Variants in ENOX2 observed in about 807,000 individuals in gnomAD.
ENOX2 encodes the protein ecto-NOX disulfide-thiol exchanger 2.
ENOX2 carries 36 observed loss-of-function variants against 45.0 expected under a neutral mutation model. The observed-to-expected ratio is 0.80, with a 90% CI of 0.61 to 1.06. The LOEUF is 1.06. Ranked by LOEUF, ENOX2 falls within the 50% of genes least tolerant of loss-of-function variation. The pLI, the probability that ENOX2 is intolerant of heterozygous loss-of-function variation, is 0.00. For missense variants in ENOX2, 423 were observed against 462.5 expected, an observed-to-expected ratio of 0.91 and a Z score of 0.78; for synonymous variants, 174 against 152.3, an observed-to-expected ratio of 1.14 and a Z score of -1.05.
At position 130,677,071 on chromosome X, in the gene ENOX2, T is replaced by G. The variant is rs139680018; in HGVS notation, c.460+2471A>C. Among the ~76,000 whole-genome samples the G allele has an allele frequency of 8.0e-4, 89 of 111,828 alleles. 1 individual carries two copies. Among genetic ancestry groups the G allele is most frequent in the Non-Finnish European group, 3.2e-4 (17 of 53,188 alleles). ...TGCCAAAGCTTACCACCTTTGTACT[T>G]TTGCTCATGCTGTTTTCATGCCCCA... On this transcript the variant is annotated intron_variant, in intron 6 of 14. Coordinates refer to ENST00000394363, the MANE Select transcript of ENOX2 (RefSeq NM_006375.4).
intron 3 of ENOX2, among the ~76,000 whole-genome samples, chrX:130,772,312 T>G (rs1261285610): frequency 8.9e-6 from 1 of 112,018 alleles, no homozygotes; most frequent in African/African-American, 3.2e-5. Context: ...GCTGAAAGCT[T>G]GTGGTTGCCT....
chrX:130,625,367 T>C lies in ENOX2; in HGVS notation c.1693A>G (p.Ser565Gly), dbSNP rs778381395. Reference sequence around the variant, plus strand: ...CAGAATTTCCATCTCTTTTCCAGGCTGGCTCCAACTCCAGTCATTTCCTGC... The same window carrying C: ...CAGAATTTCCATCTCTTTTCCAGGCCGGCTCCAACTCCAGTCATTTCCTGC... ...FKQEMTGVGA[S>G]LEKRWKFCGF... is the part of the protein sequence containing the mutation. Residue 565 changes from serine to glycine, a missense_variant, in exon 15 of 15, where the codon AGC (serine) becomes GGC (glycine). Physicochemically the swap from Ser to Gly is moderately conservative, Grantham distance 56. Transcript: ENST00000394363. The C allele has an allele frequency of 1.7e-6, 2 of 1,211,455 alleles. No homozygotes were observed. Among genetic ancestry groups the C allele is most frequent in the East Asian group, 3.0e-5 (1 of 33,850 alleles).
At chrX:130,695,784 C>G (rs2037741945) in intron 4 of ENOX2, among the ~76,000 whole-genome samples, 1 of 111,649 alleles carries the variant, frequency 9.0e-6, no homozygotes, top group Non-Finnish European at 1.9e-5. Context: ...GAAATTTTAA[C>G]CCATTACAGT....
At chrX:130,742,489 G>A (rs1489707810) in intron 3 of ENOX2, among the ~76,000 whole-genome samples, 3 of 109,955 alleles carry the variant, frequency 2.7e-5, no homozygotes, top group African/African-American at 9.9e-5. Flanking sequence ...ACCATGTCAT[G>A]CTCAATATTT....
At chrX:130,817,702 C>T (rs1471487887) in intron 2 of ENOX2, among the ~76,000 whole-genome samples, 2 of 111,990 alleles carry the variant, frequency 1.8e-5, no homozygotes, top group African/African-American at 6.5e-5. Context: ...AAAGGTCTTC[C>T]ATGAAATTCA....
intron 2 of ENOX2, among the ~76,000 whole-genome samples, chrX:130,895,585 C>T (rs1212795038): frequency 8.9e-6 from 1 of 112,207 alleles, no homozygotes; most frequent in Non-Finnish European, 1.9e-5. Flanking sequence ...CCTACCGAGG[C>T]ATTTGGACCA....
chrX:130,637,536 G>A (rs2035963053), intron 10 of ENOX2, 126 bp from the exon 11 acceptor site: 2 of 495,921 alleles, frequency 4.0e-6, no homozygotes, highest in East Asian at 7.4e-5. Context: ...ATCTCAGCAA[G>A]AGATAGATAC....
chrX:130,784,053 AC>A (rs899890582), intron 2 of ENOX2, among the ~76,000 whole-genome samples: 1 of 111,735 alleles, frequency 8.9e-6, no homozygotes, highest in Non-Finnish European at 1.9e-5. Flanking sequence ...CTGACATTTT[AC>A]CATTCTTTCA....
At chrX:130,786,373 G>A (rs1186115139) in intron 2 of ENOX2, among the ~76,000 whole-genome samples, 1 of 111,156 alleles carries the variant, frequency 9.0e-6, no homozygotes, top group Non-Finnish European at 1.9e-5. Flanking sequence ...ATTAATGACG[G>A]TGAAACAGAA....
Position 130,776,625 on chromosome X carries a change from G to A in ENOX2, c.-39+6922C>T, listed in dbSNP as rs145982667. ...TGCTTCCTATAAAGTCTGCCGAACC[G>A]TGAGACAATTAAACCTCTTTTCTTT... On this transcript the variant is annotated intron_variant, in intron 3 of 14. Transcript: ENST00000394363. Among the ~76,000 whole-genome samples, 96 of 111,616 alleles carry A rather than the reference G, an allele frequency of 8.6e-4. 2 individuals carry two copies. Among genetic ancestry groups the A allele is most frequent in the African/African-American group, 3.0e-3 (92 of 30,762 alleles).
intron 5 of ENOX2, among the ~76,000 whole-genome samples, chrX:130,681,145 T>C (rs1234862366): frequency 8.9e-6 from 1 of 112,169 alleles, no homozygotes; most frequent in African/African-American, 3.2e-5. Flanking sequence ...GAATCTGAAA[T>C]GTCTTAGTCA....
chrX:130,647,887 A>AT (rs1569479965), intron 10 of ENOX2, among the ~76,000 whole-genome samples: 1 of 111,440 alleles, frequency 9.0e-6, no homozygotes, highest in African/African-American at 3.3e-5. Context: ...CCTCCCTTAA[A>AT]TAAGTTTTCT....
intron 3 of ENOX2, among the ~76,000 whole-genome samples, chrX:130,707,619 G>T (rs1265058737): frequency 9.0e-6 from 1 of 110,917 alleles, no homozygotes; most frequent in African/African-American, 3.3e-5. Context: ...CTTTCATTAA[G>T]ACAAAAACTC....
At chrX:130,875,852 G>T (rs1032321968) in intron 2 of ENOX2, among the ~76,000 whole-genome samples, 2 of 111,903 alleles carry the variant, frequency 1.8e-5, no homozygotes, top group Admixed American at 9.5e-5. Flanking sequence ...TCATAAAAGT[G>T]AAAAGAAGGC....
intron 3 of ENOX2, among the ~76,000 whole-genome samples, chrX:130,756,739 G>A: frequency 8.9e-6 from 1 of 112,139 alleles, no homozygotes; most frequent in South Asian, 3.7e-4. Context: ...ATAATCTCTT[G>A]CCATACTCTG....
chrX:130,888,860 C>T (rs1385277318), intron 2 of ENOX2, among the ~76,000 whole-genome samples: 2 of 111,524 alleles, frequency 1.8e-5, no homozygotes, highest in African/African-American at 6.5e-5. Flanking sequence ...TTCTCTCTTT[C>T]CTTTCTGGAA....
intron 4 of ENOX2, among the ~76,000 whole-genome samples, chrX:130,694,376 C>A (rs1330025412): frequency 9.0e-6 from 1 of 111,221 alleles, no homozygotes; most frequent in Non-Finnish European, 1.9e-5. Context: ...TCTTGGGCAA[C>A]TGATGCCACT....
At chrX:130,721,605 A>G (rs1312786206) in intron 3 of ENOX2, among the ~76,000 whole-genome samples, 4 of 111,504 alleles carry the variant, frequency 3.6e-5, no homozygotes, top group Non-Finnish European at 7.5e-5. Context: ...TACTGGCTAT[A>G]GGAGACTCGG....
Position 130,703,302 on chromosome X carries a change from C to T in ENOX2, c.-38-48G>A, listed in dbSNP as rs748603702. On this transcript the variant is annotated intron_variant, in intron 3 of 14. Coordinates refer to ENST00000394363, the MANE Select transcript of ENOX2 (RefSeq NM_006375.4). ...ATAATTTGTTGTGTTAAGGTTCTAG[C>T]AACTAGTTTACTTATAAACATAAAT... The T allele has an allele frequency of 2.7e-6, 3 of 1,116,019 alleles. No homozygotes were observed. The Admixed American group carries it at 7.7e-5, about 29-fold the overall frequency. 92.0% of individuals were successfully genotyped at this position (1,116,019 alleles called of 1,213,427 possible).
Sources: allele counts gnomAD v4.1 joint callset (sites outside exome capture counted in the v4.1 genomes callset), GRCh38; gene constraint gnomAD v4.1.1; transcripts MANE v1.5; gene names NCBI Gene and HGNC (gene_info 2026-07-23, HGNC 2026-07-21).